The following HS6ST3 variants were observed in gnomAD, a reference collection of about 807,000 sequenced individuals.
HS6ST3 encodes heparan sulfate 6-O-sulfotransferase 3.
Under a neutral mutation model 36.7 loss-of-function variants are expected in HS6ST3, and 12 were observed. That is an observed-to-expected ratio of 0.33 (90% confidence interval 0.21 to 0.53). The LOEUF (loss-of-function observed/expected upper bound fraction) is 0.53. HS6ST3 is among the 20% of genes least tolerant of loss of function. The probability of loss-of-function intolerance (pLI) is 0.95; values close to 1 mark genes in which losing one functional copy is unlikely to be tolerated. For missense variants in HS6ST3, 584 were observed against 640.9 expected (o/e 0.91, Z 0.96); for synonymous variants, 240 against 257.5 (o/e 0.93, Z 0.65).
intron 1 of HS6ST3, among the ~76,000 whole-genome samples, chr13:96,508,532 T>A (rs115182652): frequency 8.4e-4 from 128 of 152,136 alleles, no homozygotes; most frequent in African/African-American, 3.0e-3. Context: ...CCCCTTCCAA[T>A]CCTCCTCTTC....
At chr13:96,388,835 G>A (rs962612362) in intron 1 of HS6ST3, among the ~76,000 whole-genome samples, 1 of 152,116 alleles carries the variant, frequency 6.6e-6, no homozygotes, top group Non-Finnish European at 1.5e-5. Flanking sequence ...GTCCTGAAGG[G>A]CCTGCTTCTC....
intron 1 of HS6ST3, among the ~76,000 whole-genome samples, chr13:96,414,121 G>C (rs1253918136): frequency 6.6e-6 from 1 of 152,174 alleles, no homozygotes; most frequent in African/African-American, 2.4e-5. Flanking sequence ...TAAGTTCTCA[G>C]CTAATGGCCT....
intron 1 of HS6ST3, among the ~76,000 whole-genome samples, chr13:96,451,805 G>A (rs1157310729): frequency 6.6e-6 from 1 of 152,128 alleles, no homozygotes; most frequent in Non-Finnish European, 1.5e-5. Context: ...GGGATTAAAT[G>A]TACAGAAAAG....
intron 1 of HS6ST3, among the ~76,000 whole-genome samples, chr13:96,456,082 A>G (rs1456065357): frequency 1.3e-5 from 2 of 152,224 alleles, no homozygotes; most frequent in Non-Finnish European, 2.9e-5. Context: ...GGACAATGGA[A>G]TTATAAAAAC....
chr13:96,694,417 A>T (rs949170393), intron 1 of HS6ST3, among the ~76,000 whole-genome samples: 1 of 152,102 alleles, frequency 6.6e-6, no homozygotes, highest in Non-Finnish European at 1.5e-5. Context: ...TCTGCTATTG[A>T]TGGGCATTTA....
chr13:96,352,634 T>C (rs2055189337), intron 1 of HS6ST3, among the ~76,000 whole-genome samples: 1 of 152,182 alleles, frequency 6.6e-6, no homozygotes, highest in African/African-American at 2.4e-5. Flanking sequence ...AGGACATGAC[T>C]TCTAGGAGTC....
chr13:96,329,292 C>G (rs1305601981), intron 1 of HS6ST3, among the ~76,000 whole-genome samples: 19 of 144,582 alleles, frequency 1.3e-4, no homozygotes, highest in Non-Finnish European at 2.1e-4. Flanking sequence ...AATTTTGGAT[C>G]TTTCCTGCTT....
chr13:96,442,696 T>C (rs778653633), intron 1 of HS6ST3, among the ~76,000 whole-genome samples: 1 of 148,570 alleles, frequency 6.7e-6, no homozygotes, highest in South Asian at 2.1e-4. Context: ...GGAGACCAGA[T>C]GGGAGAGAAG....
At chr13:96,251,130 A>G (rs1470463026) in intron 1 of HS6ST3, among the ~76,000 whole-genome samples, 1 of 152,136 alleles carries the variant, frequency 6.6e-6, no homozygotes, top group Non-Finnish European at 1.5e-5. Flanking sequence ...CTTCTCTTCA[A>G]TTTCTTTGGA....
chr13:96,812,621 A>G (rs1878340232), intron 1 of HS6ST3, among the ~76,000 whole-genome samples: 1 of 152,322 alleles, frequency 6.6e-6, no homozygotes, highest in East Asian at 1.9e-4. Flanking sequence ...TTGCCTAACA[A>G]TTATTAGCTT....
intron 1 of HS6ST3, among the ~76,000 whole-genome samples, chr13:96,130,140 C>T (rs1384538515): frequency 6.6e-6 from 1 of 152,236 alleles, no homozygotes; most frequent in East Asian, 1.9e-4. Context: ...GAGAAGGATG[C>T]TAACTTTTTG....
chr13:96,642,737 C>CT (rs2056574616), intron 1 of HS6ST3, among the ~76,000 whole-genome samples: 1 of 151,760 alleles, frequency 6.6e-6, no homozygotes, highest in Non-Finnish European at 1.5e-5. Context: ...CTATTTTATT[C>CT]TTTTTAAAAA....
At chr13:96,369,459 A>T (rs180882290) in intron 1 of HS6ST3, among the ~76,000 whole-genome samples, 3 of 152,194 alleles carry the variant, frequency 2.0e-5, no homozygotes, top group African/African-American at 4.8e-5. Context: ...TGTGAGTATA[A>T]TTGGGGATCC....
At chr13:96,095,403 C>A (rs867541259) in intron 1 of HS6ST3, among the ~76,000 whole-genome samples, 1 of 152,164 alleles carries the variant, frequency 6.6e-6, no homozygotes, top group Admixed American at 6.5e-5. Context: ...TCTTTTATAA[C>A]GTGTATTCCA....
intron 1 of HS6ST3, among the ~76,000 whole-genome samples, chr13:96,277,283 T>A (rs1308972618): frequency 6.6e-6 from 1 of 152,190 alleles, no homozygotes; most frequent in Non-Finnish European, 1.5e-5. Flanking sequence ...ACGTTATGGT[T>A]GAATTTTACC....
At chr13:96,415,927 T>C (rs2055530695) in intron 1 of HS6ST3, among the ~76,000 whole-genome samples, 2 of 152,340 alleles carry the variant, frequency 1.3e-5, no homozygotes, top group South Asian at 4.1e-4. Flanking sequence ...GGTAAGTTAG[T>C]TGACTATTAA....
At chr13:96,138,737 GTTAAAA>G (rs2054015202) in intron 1 of HS6ST3, among the ~76,000 whole-genome samples, 1 of 151,978 alleles carries the variant, frequency 6.6e-6, no homozygotes, top group Admixed American at 6.6e-5. Context: ...TCTACATTGT[GTTAAAA>G]TTAAAATAAT....
At chr13:96,702,198 T>C (rs1875307025) in intron 1 of HS6ST3, among the ~76,000 whole-genome samples, 1 of 152,104 alleles carries the variant, frequency 6.6e-6, no homozygotes, top group African/African-American at 2.4e-5. Flanking sequence ...GGGAAAAAAA[T>C]CACAGATGTA....
At chr13:96,142,915 T>A (rs1390204134) in intron 1 of HS6ST3, among the ~76,000 whole-genome samples, 1 of 152,140 alleles carries the variant, frequency 6.6e-6, no homozygotes, top group Non-Finnish European at 1.5e-5. Context: ...AAAAAAGATA[T>A]TTCAGAGTTA....
Sources: allele counts gnomAD v4.1 joint callset (sites outside exome capture counted in the v4.1 genomes callset), GRCh38; gene constraint gnomAD v4.1.1; transcripts MANE v1.5; gene names NCBI Gene and HGNC (gene_info 2026-07-23, HGNC 2026-07-21).